LINGO2: variants seen among roughly 807,000 people sequenced by gnomAD.
LINGO2 encodes leucine-rich repeat and immunoglobulin-like domain-containing nogo receptor-interacting protein 2.
In LINGO2, 14 loss-of-function variants were observed where a neutral mutation model predicts 30.6. The observed-to-expected ratio is 0.46, with a 90% CI of 0.30 to 0.72. The LOEUF is 0.72. LINGO2 is among the 30% of genes least tolerant of loss of function. The probability of loss-of-function intolerance (pLI) is 0.07; values close to 1 mark genes in which losing one functional copy is unlikely to be tolerated. For synonymous variants in LINGO2, 317 were observed against 288.5 expected (o/e 1.10, Z -1.00); for missense variants, 729 against 751.7 (o/e 0.97, Z 0.35).
the LINGO2 span, among the ~76,000 whole-genome samples, chr9:29,040,495 C>A: frequency 6.6e-6 from 1 of 151,572 alleles, no homozygotes; most frequent in Non-Finnish European, 1.5e-5. Context: ...GTTATCTACT[C>A]CCAATGTTCA....
At chr9:28,633,081 A>C (rs1405119804) in intron 1 of LINGO2, among the ~76,000 whole-genome samples, 1 of 151,606 alleles carries the variant, frequency 6.6e-6, no homozygotes, top group African/African-American at 2.4e-5. Context: ...AAAGATGTAG[A>C]CTAGGAGGCT....
the LINGO2 span, among the ~76,000 whole-genome samples, chr9:28,677,904 C>T: frequency 6.6e-6 from 1 of 151,798 alleles, no homozygotes; most frequent in Non-Finnish European, 1.5e-5. Flanking sequence ...TCCTGAGTTC[C>T]TCCTTCTCTC....
At chr9:28,923,786 C>T in the LINGO2 span, among the ~76,000 whole-genome samples, 7 of 152,060 alleles carry the variant, frequency 4.6e-5, no homozygotes, top group Non-Finnish European at 1.0e-4. Flanking sequence ...CCAAAGATGC[C>T]CTCAGAGCTA....
the LINGO2 span, among the ~76,000 whole-genome samples, chr9:29,192,388 C>CG: frequency 6.6e-6 from 1 of 152,050 alleles, no homozygotes; most frequent in Admixed American, 6.6e-5. Context: ...TTGTAAAGCT[C>CG]AACACTACAT....
chr9:28,606,398 C>T (rs1439133942), intron 1 of LINGO2, among the ~76,000 whole-genome samples: 1 of 151,852 alleles, frequency 6.6e-6, no homozygotes, highest in African/African-American at 2.4e-5. Context: ...GGAGACTCTA[C>T]TGGAGAATAA....
chr9:28,220,487 G>C (rs1355695626), intron 4 of LINGO2, among the ~76,000 whole-genome samples: 1 of 152,044 alleles, frequency 6.6e-6, no homozygotes, highest in Non-Finnish European at 1.5e-5. Context: ...TGCTGCTATG[G>C]ATATTTTTTT....
chr9:28,327,090 C>T (rs1218569475), intron 3 of LINGO2, among the ~76,000 whole-genome samples: 1 of 152,098 alleles, frequency 6.6e-6, no homozygotes, highest in African/African-American at 2.4e-5. Context: ...AGTACCATTA[C>T]AAAAAGGCTT....
chr9:28,919,195 A>G, the LINGO2 span, among the ~76,000 whole-genome samples: 1 of 152,156 alleles, frequency 6.6e-6, no homozygotes, highest in African/African-American at 2.4e-5. Flanking sequence ...ACTACTTCTC[A>G]TTATTAATGA....
At chr9:28,916,301 T>G in the LINGO2 span, among the ~76,000 whole-genome samples, 1 of 152,308 alleles carries the variant, frequency 6.6e-6, no homozygotes, top group African/African-American at 2.4e-5. Flanking sequence ...GGGGAAAATC[T>G]ACATTCTGTA....
At chr9:28,865,859 C>T in the LINGO2 span, among the ~76,000 whole-genome samples, 7 of 152,236 alleles carry the variant, frequency 4.6e-5, no homozygotes, top group Non-Finnish European at 1.0e-4. Context: ...CTTTGAATAA[C>T]CATTCCAATC....
chr9:28,380,767 T>C lies in LINGO2; in HGVS notation c.-278-7899A>G, dbSNP rs558714876. 5.9e-5 allele frequency among the ~76,000 whole-genome samples: 9 copies of C among 152,142 alleles called. No homozygotes were observed. The South Asian group carries it at 1.7e-3, about 28-fold the overall frequency. ...TTTTGACAGCGATATGTAGGATAGA[T>C]TGCAGATGGAATATAGAACAGCTGC... is the stretch of plus-strand genomic sequence containing the variant. On this transcript the variant is annotated intron_variant, in intron 2 of 5. Coordinates refer to ENST00000379992, the Ensembl canonical transcript of LINGO2.
chr9:28,301,462 GT>G (rs1824140260), intron 3 of LINGO2, among the ~76,000 whole-genome samples: 2 of 152,102 alleles, frequency 1.3e-5, no homozygotes, highest in South Asian at 4.1e-4. Context: ...TTATGAGAGT[GT>G]TGTTGATAAT....
At chr9:28,761,113 G>A in the LINGO2 span, among the ~76,000 whole-genome samples, 518 of 151,768 alleles carry the variant, frequency 3.4e-3, 9 homozygotes, top group African/African-American at 0.012. Context: ...CTTTTACTCT[G>A]GGTAGATACC....
At chr9:28,492,351 A>G (rs910350623) in intron 1 of LINGO2, among the ~76,000 whole-genome samples, 10 of 152,212 alleles carry the variant, frequency 6.6e-5, no homozygotes, top group Non-Finnish European at 2.9e-5. Context: ...ATTAACTCGT[A>G]TGCTGAAAAC....
At chr9:29,021,850 T>A in the LINGO2 span, among the ~76,000 whole-genome samples, 56 of 152,174 alleles carry the variant, frequency 3.7e-4, no homozygotes, top group Non-Finnish European at 7.2e-4. Flanking sequence ...ACTGTCTAGT[T>A]CCTTAGTCTT....
chr9:28,035,739 T>G (rs140765367), intron 4 of LINGO2, among the ~76,000 whole-genome samples: 2 of 152,330 alleles, frequency 1.3e-5, no homozygotes, highest in African/African-American at 4.8e-5. Context: ...CTGACATCAT[T>G]GTAGGGGTAT....
chr9:28,690,244 T>C, the LINGO2 span, among the ~76,000 whole-genome samples: 1 of 151,764 alleles, frequency 6.6e-6, no homozygotes, highest in Non-Finnish European at 1.5e-5. Context: ...AAGTTGGAAA[T>C]GAAACAAAAA....
chr9:28,657,693 A>G (rs1828412542), intron 1 of LINGO2, among the ~76,000 whole-genome samples: 1 of 151,874 alleles, frequency 6.6e-6, no homozygotes, highest in African/African-American at 2.4e-5. Flanking sequence ...GCTCTTTTCA[A>G]AGAACCAGTT....
At chr9:28,780,802 G>A in the LINGO2 span, among the ~76,000 whole-genome samples, 142 of 150,954 alleles carry the variant, frequency 9.4e-4, no homozygotes, top group South Asian at 5.7e-3. Flanking sequence ...CATAGCGGCT[G>A]GAATTTTCAT....
Sources: allele counts gnomAD v4.1 joint callset (sites outside exome capture counted in the v4.1 genomes callset), GRCh38; gene constraint gnomAD v4.1.1; transcripts MANE v1.5; gene names NCBI Gene and HGNC (gene_info 2026-07-23, HGNC 2026-07-21).